The following RSPO3 variants were observed in gnomAD, a reference collection of about 807,000 sequenced individuals.
RSPO3 encodes R-spondin-3.
Under a neutral mutation model 36.5 loss-of-function variants are expected in RSPO3, and 17 were observed. The observed-to-expected ratio is 0.47, with a 90% CI of 0.32 to 0.70. The LOEUF is 0.70. Among genes scored for constraint, RSPO3 ranks in the 30% least tolerant of loss-of-function variants. RSPO3 has a pLI of 0.04. For missense variants in RSPO3, 294 were observed against 322.5 expected (o/e 0.91, Z 0.68); for synonymous variants, 108 against 107.0 (o/e 1.01, Z -0.06).
chr6:127,159,484 G>C (rs1026434327), intron 4 of RSPO3, among the ~76,000 whole-genome samples: 2 of 151,806 alleles, frequency 1.3e-5, no homozygotes, highest in Admixed American at 1.3e-4. Flanking sequence ...AAAATAGAAA[G>C]AAATAAAATG....
intron 4 of RSPO3, among the ~76,000 whole-genome samples, chr6:127,166,350 CA>C (rs1264767269): frequency 2.0e-5 from 3 of 151,938 alleles, no homozygotes; most frequent in Non-Finnish European, 4.4e-5. Flanking sequence ...AAATCTCTAT[CA>C]TGTTAATGAA....
intron 4 of RSPO3, among the ~76,000 whole-genome samples, chr6:127,194,604 T>C (rs1775475528): frequency 6.6e-6 from 1 of 152,242 alleles, no homozygotes; most frequent in Admixed American, 6.5e-5. Context: ...GTGCCAGGTT[T>C]ATCTACTTCG....
intron 1 of RSPO3, among the ~76,000 whole-genome samples, chr6:127,126,716 A>T (rs898994044): frequency 6.6e-6 from 1 of 152,148 alleles, no homozygotes; most frequent in Admixed American, 6.6e-5. Flanking sequence ...ACTTTTAAGT[A>T]GATTTCTCTA....
At chr6:127,175,208 C>T (rs1304990294) in intron 4 of RSPO3, among the ~76,000 whole-genome samples, 3 of 151,556 alleles carry the variant, frequency 2.0e-5, no homozygotes, top group Admixed American at 6.6e-5. Context: ...CCTGTATTTG[C>T]CCTTTTGTCT....
intron 4 of RSPO3, among the ~76,000 whole-genome samples, chr6:127,158,027 A>G (rs1014825403): frequency 6.6e-6 from 1 of 150,668 alleles, no homozygotes; most frequent in African/African-American, 2.4e-5. Context: ...TATAATATGT[A>G]TAATATATAA....
chr6:127,178,470 G>A (rs143288053), intron 4 of RSPO3, among the ~76,000 whole-genome samples: 37 of 151,796 alleles, frequency 2.4e-4, no homozygotes, highest in African/African-American at 8.2e-4. Flanking sequence ...CTATAAATAT[G>A]CTCAGTAATA....
chr6:127,160,496 C>G (rs948368676), intron 4 of RSPO3, among the ~76,000 whole-genome samples: 1 of 152,182 alleles, frequency 6.6e-6, no homozygotes, highest in African/African-American at 2.4e-5. Flanking sequence ...AGAGGTACTG[C>G]TCCTTATGGA....
chr6:127,125,119 T>C (rs576695356), intron 1 of RSPO3, among the ~76,000 whole-genome samples: 17 of 152,284 alleles, frequency 1.1e-4, no homozygotes, highest in African/African-American at 3.8e-4. Flanking sequence ...CTATCTGCTG[T>C]AGCTAAAATT....
At chr6:127,151,861 G>A (rs1774497734) in intron 3 of RSPO3, among the ~76,000 whole-genome samples, 1 of 151,998 alleles carries the variant, frequency 6.6e-6, no homozygotes, top group Non-Finnish European at 1.5e-5. Context: ...GGTCCTGAGG[G>A]CTGATGATTA....
intron 4 of RSPO3, among the ~76,000 whole-genome samples, chr6:127,173,984 A>G (rs1774995069): frequency 6.6e-6 from 1 of 151,934 alleles, no homozygotes; most frequent in Non-Finnish European, 1.5e-5. Context: ...GGGCGCACAG[A>G]GGGCGTTAAG....
At chr6:127,123,133 T>C (rs774856773) in intron 1 of RSPO3, among the ~76,000 whole-genome samples, 3 of 152,180 alleles carry the variant, frequency 2.0e-5, no homozygotes, top group Non-Finnish European at 4.4e-5. Flanking sequence ...GTACTGGTCA[T>C]TGCTCATGAC....
intron 4 of RSPO3, among the ~76,000 whole-genome samples, chr6:127,178,453 C>G (rs1050450051): frequency 6.6e-6 from 1 of 151,662 alleles, no homozygotes; most frequent in Non-Finnish European, 1.5e-5. Flanking sequence ...TAAAAATATT[C>G]TCCATGCTAT....
intron 3 of RSPO3, among the ~76,000 whole-genome samples, chr6:127,152,999 G>A (rs149589207): frequency 1.1e-3 from 167 of 152,222 alleles, no homozygotes; most frequent in African/African-American, 3.9e-3. Context: ...AAAATGACCA[G>A]TAAAGTCACT....
chr6:127,131,082 T>C (rs193142990), intron 1 of RSPO3, among the ~76,000 whole-genome samples: 3 of 152,260 alleles, frequency 2.0e-5, no homozygotes, highest in African/African-American at 7.2e-5. Context: ...CAGAGCTTAA[T>C]GTAGATCCAA....
At chr6:127,120,454 C>A (rs1207824977) in intron 1 of RSPO3, among the ~76,000 whole-genome samples, 1 of 152,210 alleles carries the variant, frequency 6.6e-6, no homozygotes, top group African/African-American at 2.4e-5. Flanking sequence ...TCTCGCACCT[C>A]CGCGGCGTGC....
At chr6:127,193,757 AG>A (rs1775460136) in intron 4 of RSPO3, among the ~76,000 whole-genome samples, 1 of 152,214 alleles carries the variant, frequency 6.6e-6, no homozygotes, top group Non-Finnish European at 1.5e-5. Flanking sequence ...TATTCAAGTC[AG>A]CACATCAAAT....
rs1364258444 is a variant in RSPO3 at position 127,140,644 on chromosome 6, A to G, written c.98-8004A>G. On this transcript the variant is annotated intron_variant, in intron 1 of 4. Transcript: ENST00000356698. ...CAAATTAAAGTAACTATATCAGACA[A>G]AATGTGTTGTTTCCTTTCCTTCTAA... 2.0e-5 allele frequency among the ~76,000 whole-genome samples: 3 copies of G among 152,248 alleles called. No individual in the cohort carries two copies. The East Asian group carries it at 5.8e-4, about 29-fold the overall frequency.
At chr6:127,136,662 T>C (rs1774161831) in intron 1 of RSPO3, among the ~76,000 whole-genome samples, 3 of 152,198 alleles carry the variant, frequency 2.0e-5, no homozygotes, top group Admixed American at 2.0e-4. Flanking sequence ...AAGTGATTTG[T>C]ATGGTATCAC....
At chr6:127,151,430 G>T (rs1300586498) in intron 3 of RSPO3, among the ~76,000 whole-genome samples, 1 of 151,926 alleles carries the variant, frequency 6.6e-6, no homozygotes, top group East Asian at 1.9e-4. Flanking sequence ...AATAGCCTAG[G>T]AAATCTCAAA....
Sources: allele counts gnomAD v4.1 joint callset (sites outside exome capture counted in the v4.1 genomes callset), GRCh38; gene constraint gnomAD v4.1.1; transcripts MANE v1.5; gene names NCBI Gene and HGNC (gene_info 2026-07-23, HGNC 2026-07-21).